The following ARHGEF18 variants were observed in gnomAD, a reference collection of about 807,000 sequenced individuals.
ARHGEF18 encodes the protein Rho/Rac guanine nucleotide exchange factor 18.
In ARHGEF18, 93 loss-of-function variants were observed where a neutral mutation model predicts 155.7. The ratio of observed to expected loss-of-function variants is 0.60; its 90% confidence interval spans 0.50 to 0.71. The LOEUF (loss-of-function observed/expected upper bound fraction) is 0.71, where lower values mean the gene tolerates loss of function less well. ARHGEF18 is among the 30% of genes least tolerant of loss of function. ARHGEF18 has a pLI of 0.00. For missense variants in ARHGEF18, 1,593 were observed against 1,816.1 expected, an observed-to-expected ratio of 0.88 and a Z score of 2.23; for synonymous variants, 742 against 753.1, an observed-to-expected ratio of 0.99 and a Z score of 0.24.
chr19:7,417,216 A>G (rs1486972230), intron 10 of ARHGEF18, among the ~76,000 whole-genome samples: 1 of 152,012 alleles, frequency 6.6e-6, no homozygotes, highest in East Asian at 1.9e-4. Context: ...CCTGGCCTGG[A>G]TGATATTTTA....
At chr19:7,415,375 C>A (rs1972943679) in intron 10 of ARHGEF18, among the ~76,000 whole-genome samples, 1 of 152,142 alleles carries the variant, frequency 6.6e-6, no homozygotes, top group Admixed American at 6.6e-5. Flanking sequence ...CTGCACCGCC[C>A]CTCTCTGCCA....
At position 7,383,167 on chromosome 19, in the gene ARHGEF18, A is replaced by G. The variant is rs758339537; in HGVS notation, c.931A>G (p.Ser311Gly). ...GCAAGGGACCTTCTCCGGCCCCTCCAGCTGCCCCCTGTGTGGCAAACCTTT... is the reference window on the plus strand; with the variant it reads ...GCAAGGGACCTTCTCCGGCCCCTCCGGCTGCCCCCTGTGTGGCAAACCTTT... ...LLQGTFSGPSSCPLCGKPFLS... is the reference protein window; with the variant it reads ...LLQGTFSGPSGCPLCGKPFLS... The change falls in exon 10 of 29, where the codon AGC (serine) becomes GGC (glycine). Residue 311 changes from serine to glycine, a missense_variant. Ser to Gly is a moderately conservative substitution (Grantham distance 56). Transcript: ENST00000668164. 5.1e-5 allele frequency: 63 copies of G among 1,232,260 alleles called. No individual in the cohort carries two copies. The African/African-American group carries it at 8.7e-4, about 17-fold the overall frequency. The allele number at this position is 1,232,260 out of a possible 1,614,324, so 76.3% of individuals were successfully genotyped here.
intron 10 of ARHGEF18, among the ~76,000 whole-genome samples, chr19:7,399,245 G>A (rs1171312695): frequency 6.6e-6 from 1 of 152,154 alleles, no homozygotes; most frequent in Non-Finnish European, 1.5e-5. Flanking sequence ...TTGAGGGGAG[G>A]ATTGTGGCTG....
At position 7,397,501 on chromosome 19, in the gene ARHGEF18, G is replaced by GAA. The variant is rs1226213984; in HGVS notation, c.967+14298_967+14299insAA. 1.7e-4 allele frequency among the ~76,000 whole-genome samples: 25 copies of GAA among 149,494 alleles called. No individual in the cohort carries two copies. The East Asian group carries it at 4.6e-3, about 28-fold the overall frequency. ...AATCCCAGCACTTTGGGAGGCCCGG[G>GAA]GGGGGGCAGATCACGAGGTCAGGAG... On this transcript the variant is annotated intron_variant, in intron 10 of 28. Transcript: ENST00000668164.
chr19:7,461,610 A>G (rs1348699512), intron 20 of ARHGEF18, among the ~76,000 whole-genome samples: 1 of 152,170 alleles, frequency 6.6e-6, no homozygotes, highest in Non-Finnish European at 1.5e-5. Flanking sequence ...CTAAGGCTCT[A>G]AGTTGGTCCC....
chr19:7,378,557 AC>A, intron 6 of ARHGEF18, 106 bp downstream of exon 6: 2 of 910,812 alleles, frequency 2.2e-6, no homozygotes, highest in Non-Finnish European at 2.9e-6. Flanking sequence ...GCCATAAGTG[AC>A]CAGGGCCAGA....
chr19:7,458,464 G>A (rs1409257423), intron 18 of ARHGEF18, 48 bp from the exon 19 acceptor site: 2 of 1,575,586 alleles, frequency 1.3e-6, no homozygotes, highest in Non-Finnish European at 1.7e-6. Flanking sequence ...TGCTGTTTGG[G>A]TGCTGTGGGG....
chr19:7,362,504 T>C (rs1429375586), intron 1 of ARHGEF18, among the ~76,000 whole-genome samples: 1 of 152,174 alleles, frequency 6.6e-6, no homozygotes, highest in African/African-American at 2.4e-5. Flanking sequence ...CTGTTGGAAC[T>C]GGTGTGTTGG....
chr19:7,388,870 C>T (rs1441014899), intron 10 of ARHGEF18, among the ~76,000 whole-genome samples: 2 of 152,024 alleles, frequency 1.3e-5, no homozygotes, highest in African/African-American at 4.8e-5. Flanking sequence ...CATGAGCCAC[C>T]GCGCCTGGCC....
In ARHGEF18 at chr19:7,432,032, A is replaced by G. The variant is rs185983788; in HGVS notation, c.968-8312A>G. On this transcript the variant is annotated intron_variant, in intron 10 of 28. Coordinates refer to ENST00000668164, the MANE Select transcript of ARHGEF18 (RefSeq NM_001367823.1). ...AGTCATACTTACCTTCTAAGCTGCA[A>G]GATGTCTTTTTTAATTTTTCTTTGT... is the stretch of plus-strand genomic sequence containing the variant. Among the ~76,000 whole-genome samples the G allele has an allele frequency of 1.4e-3, 212 of 152,194 alleles. 1 individual carries two copies. The highest frequency in any genetic ancestry group is 6.8e-3 in the Middle Eastern group (2 of 294).
chr19:7,393,960 G>C (rs542956171), intron 10 of ARHGEF18, among the ~76,000 whole-genome samples: 25 of 151,430 alleles, frequency 1.7e-4, no homozygotes, highest in African/African-American at 6.1e-4. Context: ...GAGACCACTG[G>C]AGAGGTATAT....
chr19:7,478,021 C>CA, the ARHGEF18 span, among the ~76,000 whole-genome samples: 2 of 152,062 alleles, frequency 1.3e-5, no homozygotes, highest in Admixed American at 6.6e-5. Context: ...GACCCTGTCT[C>CA]AAAAAACAAA....
intron 14 of ARHGEF18, 79 bp from the exon 15 acceptor site, chr19:7,446,964 C>T (rs1431665772): frequency 2.0e-6 from 3 of 1,475,128 alleles, no homozygotes; most frequent in African/African-American, 1.5e-5. Flanking sequence ...TTTATTTTAG[C>T]AGACTCAGAC....
chr19:7,433,269 C>A (rs1159738096), intron 10 of ARHGEF18, among the ~76,000 whole-genome samples: 1 of 151,784 alleles, frequency 6.6e-6, no homozygotes, highest in Non-Finnish European at 1.5e-5. Flanking sequence ...GAGTTTGAGA[C>A]CAGCCTGGCC....
chr19:7,416,312 A>C (rs1371983912), intron 10 of ARHGEF18, among the ~76,000 whole-genome samples: 1 of 152,070 alleles, frequency 6.6e-6, no homozygotes, highest in East Asian at 1.9e-4. Flanking sequence ...AGGCTGAGGC[A>C]GGAGGATCCC....
intron 18 of ARHGEF18, among the ~76,000 whole-genome samples, chr19:7,457,875 A>G (rs1042076473): frequency 1.3e-5 from 2 of 152,154 alleles, no homozygotes; most frequent in African/African-American, 4.8e-5. Flanking sequence ...GGCACAAGAC[A>G]GAGATGGGTT....
At chr19:7,349,604 C>T (rs758923801) in intron 1 of ARHGEF18, among the ~76,000 whole-genome samples, 2 of 151,834 alleles carry the variant, frequency 1.3e-5, no homozygotes, top group East Asian at 1.9e-4. Flanking sequence ...ATGGTGAAAC[C>T]CCGTCTCTAC....
chr19:7,390,209 A>G (rs948206414), intron 10 of ARHGEF18, among the ~76,000 whole-genome samples: 1 of 152,020 alleles, frequency 6.6e-6, no homozygotes, highest in Non-Finnish European at 1.5e-5. Flanking sequence ...AAGAAAAAAG[A>G]AATAATGTGG....
the ARHGEF18 span, among the ~76,000 whole-genome samples, chr19:7,478,098 G>A: frequency 2.6e-5 from 4 of 152,226 alleles, no homozygotes; most frequent in African/African-American, 7.2e-5. Flanking sequence ...TGCTGGGGGC[G>A]CAGCCATGAA....
Sources: gnomAD v4.1 joint callset for allele counts (sites outside exome capture counted in the v4.1 genomes callset) on GRCh38, gnomAD v4.1.1 for gene constraint, MANE v1.5 for transcripts, NCBI Gene and HGNC (gene_info 2026-07-23, HGNC 2026-07-21) for gene names.